The following PRXL2C variants were observed in gnomAD, a reference collection of about 807,000 sequenced individuals.
PRXL2C encodes peroxiredoxin like 2C.
In PRXL2C, 38 loss-of-function variants were observed where a neutral mutation model predicts 24.9. The observed-to-expected ratio is 1.53, with a 90% CI of 1.18 to 2.00. PRXL2C has a LOEUF of 2.00. Ranked by LOEUF, PRXL2C falls within the 30% of genes most tolerant of loss-of-function variation. The pLI is 0.00. For synonymous variants in PRXL2C, 98 were observed against 117.2 expected (o/e 0.84, Z 1.06); for missense variants, 294 against 290.9 (o/e 1.01, Z -0.08).
chr9:96,654,645 C>G (rs1848323160), intron 2 of PRXL2C, 60 bp downstream of exon 2: 13 of 1,500,520 alleles, frequency 8.7e-6, no homozygotes, highest in Admixed American at 6.0e-5. Context: ...GCGTCCTCCC[C>G]CGCCCCGCTC....
rs1848122443 is a variant in PRXL2C, at chr9:96,641,876, G to C, written c.564C>G (p.Ile188Met). The C allele has an allele frequency of 6.7e-7, 1 of 1,499,342 alleles. No homozygotes were observed. Among genetic ancestry groups the C allele is most frequent in the Non-Finnish European group, 9.1e-7 (1 of 1,104,822 alleles). 92.9% of individuals were successfully genotyped at this position (1,499,342 alleles called of 1,614,324 possible). ...TATTCCTATCGCGGTGTATAAAATGGATGTTGTTACCTAGAAGAGAATAAG... is the reference window on the plus strand; with the variant it reads ...TATTCCTATCGCGGTGTATAAAATGCATGTTGTTACCTAGAAGAGAATAAG... ...GTLILGPGNN[I>M]HFIHRDRNRL... is the part of the protein sequence containing the mutation. The change falls in exon 6 of 6, where the codon ATC becomes ATG. Residue 188 changes from isoleucine to methionine, a missense_variant. Coordinates refer to ENST00000375234, the MANE Select transcript of PRXL2C (RefSeq NM_153698.2).
At chr9:96,654,620 T>C in intron 2 of PRXL2C, 85 bp downstream of exon 2, 1 of 1,306,430 alleles carries the variant, frequency 7.7e-7, no homozygotes, top group Non-Finnish European at 1.1e-6. Flanking sequence ...AGGCTGCAAG[T>C]TCCGCGCTGG....
At chr9:96,652,982 C>T (rs552898905) in intron 2 of PRXL2C, among the ~76,000 whole-genome samples, 2 of 152,212 alleles carry the variant, frequency 1.3e-5, no homozygotes, top group South Asian at 4.1e-4. Flanking sequence ...AATCCCAGCA[C>T]TTTGGGAGGC....
chr9:96,646,797 A>AT (rs1248550962), intron 4 of PRXL2C, among the ~76,000 whole-genome samples: 13 of 150,542 alleles, frequency 8.6e-5, no homozygotes, highest in South Asian at 2.1e-4. Context: ...TTGAAAAAAA[A>AT]TTTTTTTTTT....
intron 4 of PRXL2C, among the ~76,000 whole-genome samples, chr9:96,648,122 C>T (rs904021843): frequency 5.3e-5 from 8 of 152,006 alleles, no homozygotes; most frequent in Non-Finnish European, 8.8e-5. Flanking sequence ...AGGCTGGTCT[C>T]GAACTCCTAC....
At chr9:96,642,546 ATT>A (rs1212733244) in intron 5 of PRXL2C, among the ~76,000 whole-genome samples, 15 of 134,886 alleles carry the variant, frequency 1.1e-4, no homozygotes, top group Admixed American at 1.5e-4. Flanking sequence ...GCACGTTTTC[ATT>A]TTTTTTTTTT....
In PRXL2C at chr9:96,639,685, T is replaced by C. The variant is rs1376904379; in HGVS notation, c.*2074A>G. 6.6e-6 allele frequency: 1 copy of C among 152,240 alleles called. No individual in the cohort carries two copies. The highest frequency in any genetic ancestry group is 1.5e-5 in the Non-Finnish European group (1 of 68,038). The allele number at this position is 152,240 out of a possible 1,614,324, so 9.4% of individuals were successfully genotyped here. Reference sequence around the variant, plus strand: ...TTTTTGTAACTTTATATGCTTCATATAAAAGTACTGAGTTCAAAGCAGTAT... The same window carrying C: ...TTTTTGTAACTTTATATGCTTCATACAAAAGTACTGAGTTCAAAGCAGTAT... On this transcript the variant is annotated 3_prime_UTR_variant, in exon 6 of 6. Transcript: ENST00000375234.
intron 4 of PRXL2C, among the ~76,000 whole-genome samples, chr9:96,647,280 C>G (rs923996164): frequency 6.6e-6 from 1 of 152,062 alleles, no homozygotes; most frequent in African/African-American, 2.4e-5. Flanking sequence ...GACTCAGTCT[C>G]TTTATTCTTC....
intron 5 of PRXL2C, among the ~76,000 whole-genome samples, chr9:96,642,149 A>G (rs1848125971): frequency 6.6e-6 from 1 of 152,228 alleles, no homozygotes; most frequent in South Asian, 2.1e-4. Context: ...ACCTTCTGTT[A>G]GGTTTTATTA....
At chr9:96,649,224 C>T (rs1848235665) in intron 4 of PRXL2C, among the ~76,000 whole-genome samples, 1 of 151,908 alleles carries the variant, frequency 6.6e-6, no homozygotes, top group South Asian at 2.1e-4. Context: ...ATGTTTATGC[C>T]AGCTCATCAT....
intron 4 of PRXL2C, among the ~76,000 whole-genome samples, chr9:96,650,493 C>A: frequency 6.6e-6 from 1 of 151,940 alleles, no homozygotes; most frequent in Non-Finnish European, 1.5e-5. Context: ...CTCTCTGGTC[C>A]CCTTAAGTGC....
chr9:96,645,964 G>C lies in PRXL2C; in HGVS notation c.482C>G (p.Ala161Gly). The change falls in exon 5 of 6, where the codon GCA becomes GGA. Residue 161 changes from alanine to glycine, a missense_variant. Physicochemically the swap from Ala to Gly is moderately conservative, Grantham distance 60 (BLOSUM62 0). Coordinates refer to ENST00000375234, the MANE Select transcript of PRXL2C (RefSeq NM_153698.2). ...AAAATCAAAGAGAGGGCCAGTCACT[G>C]CCCGCCACAGGCTCTGAAGGCTTCC... Reference protein sequence around the residue: ...LSGSLQSLWRAVTGPLFDFQG... With the variant: ...LSGSLQSLWRGVTGPLFDFQG... 6.2e-7 allele frequency: 1 copy of C among 1,613,786 alleles called. No individual in the cohort carries two copies. The highest frequency in any genetic ancestry group is 8.5e-7 in the Non-Finnish European group (1 of 1,179,906).
chr9:96,646,529 G>A (rs910011660), intron 4 of PRXL2C, among the ~76,000 whole-genome samples: 3 of 152,184 alleles, frequency 2.0e-5, no homozygotes, highest in Non-Finnish European at 4.4e-5. Context: ...GTCAAAACCT[G>A]TTTCCTCTTT....
Position 96,645,834 on chromosome 9 carries a change from C to A in PRXL2C, c.553+59G>T, listed in dbSNP as rs1474266026. 2.7e-6 allele frequency: 4 copies of A among 1,500,656 alleles called. No homozygotes were observed. The African/African-American group carries it at 5.8e-5, about 22-fold the overall frequency. The allele number at this position is 1,500,656 out of a possible 1,614,324, so 93.0% of individuals were successfully genotyped here. A position where few individuals can be genotyped will look rare whatever the true frequency, so the allele number is the denominator to read the frequency against. On this transcript the variant is annotated intron_variant, in intron 5 of 5. Coordinates refer to ENST00000375234, the MANE Select transcript of PRXL2C (RefSeq NM_153698.2). ...AAAGGAAAAGAAAAGAAAATGGCGGCCTCTGAACTTGTAAAAAGCACAAGA... is the reference window on the plus strand; with the variant it reads ...AAAGGAAAAGAAAAGAAAATGGCGGACTCTGAACTTGTAAAAAGCACAAGA...
At chr9:96,649,718 A>G (rs1848245432) in intron 4 of PRXL2C, among the ~76,000 whole-genome samples, 1 of 151,964 alleles carries the variant, frequency 6.6e-6, no homozygotes, top group Admixed American at 6.6e-5. Flanking sequence ...ACCCTGTCAC[A>G]AATATCACTG....
At chr9:96,654,824 G>T (rs758524590) in intron 1 of PRXL2C, 51 bp from the exon 2 acceptor site, 21 of 1,506,726 alleles carry the variant, frequency 1.4e-5, no homozygotes, top group Non-Finnish European at 1.9e-5. Context: ...GCACCCTCGG[G>T]CCCCGAAGGA....
intron 4 of PRXL2C, among the ~76,000 whole-genome samples, chr9:96,647,559 G>C (rs968281573): frequency 6.6e-6 from 1 of 152,192 alleles, no homozygotes; most frequent in Non-Finnish European, 1.5e-5. Flanking sequence ...GTCATGCTCT[G>C]TTGCTCAGGC....
At chr9:96,653,234 A>G (rs1848298893) in intron 2 of PRXL2C, among the ~76,000 whole-genome samples, 1 of 147,252 alleles carries the variant, frequency 6.8e-6, no homozygotes, top group Non-Finnish European at 1.5e-5. Flanking sequence ...CTCAAAAAAA[A>G]AAAAAGAAGA....
intron 2 of PRXL2C, among the ~76,000 whole-genome samples, chr9:96,654,106 C>T (rs1848313762): frequency 6.6e-6 from 1 of 152,196 alleles, no homozygotes; most frequent in South Asian, 2.1e-4. Flanking sequence ...TCCCAAAGTG[C>T]TGGGATTACA....
Sources: gnomAD v4.1 joint callset for allele counts (sites outside exome capture counted in the v4.1 genomes callset) on GRCh38, gnomAD v4.1.1 for gene constraint, MANE v1.5 for transcripts, NCBI Gene and HGNC (gene_info 2026-07-23, HGNC 2026-07-21) for gene names.